Variants in ANK3 observed in about 807,000 individuals in gnomAD.
ANK3 encodes the protein ankyrin 3.
ANK3 carries 57 observed loss-of-function variants against 370.9 expected under a neutral mutation model. That is an observed-to-expected ratio of 0.15 (90% CI 0.12 to 0.19). The LOEUF (loss-of-function observed/expected upper bound fraction) is 0.19, where lower values mean the gene tolerates loss of function less well. Ranked by LOEUF, ANK3 falls within the 10% of genes least tolerant of loss-of-function variation. ANK3 has a pLI of 1.00. For synonymous variants in ANK3, 1,929 were observed against 1,946.3 expected (o/e 0.99, Z 0.23); for missense variants, 4,439 against 5,302.1 (o/e 0.84, Z 5.06).
At chr10:60,040,858 C>G (rs2075967568) in intron 43 of ANK3, among the ~76,000 whole-genome samples, 1 of 152,186 alleles carries the variant, frequency 6.6e-6, no homozygotes, top group African/African-American at 2.4e-5. Flanking sequence ...TGACTGACCT[C>G]TTTTCTACTT....
At chr10:60,225,486 T>C (rs1432180145) in intron 8 of ANK3, among the ~76,000 whole-genome samples, 2 of 152,138 alleles carry the variant, frequency 1.3e-5, no homozygotes, top group Non-Finnish European at 1.5e-5. Flanking sequence ...AGTAAATAGA[T>C]AGAATTAGAA....
intron 25 of ANK3, among the ~76,000 whole-genome samples, chr10:60,116,180 T>C (rs2093067653): frequency 6.6e-6 from 1 of 152,012 alleles, no homozygotes; most frequent in Admixed American, 6.6e-5. Context: ...AGGCACCATA[T>C]TGAAAATGGG....
intron 1 of ANK3, among the ~76,000 whole-genome samples, chr10:60,354,293 G>T (rs2057394243): frequency 6.6e-6 from 1 of 152,188 alleles, no homozygotes; most frequent in African/African-American, 2.4e-5. Context: ...TCTGCCACAA[G>T]AAATGTGAGA....
intron 14 of ANK3, 36 bp downstream of exon 14, chr10:60,198,304 G>C: frequency 6.2e-7 from 1 of 1,605,056 alleles, no homozygotes; most frequent in Non-Finnish European, 8.5e-7. Context: ...ATGTATTTGG[G>C]GGGACAGAGC....
Position 60,369,285 on chromosome 10 carries a change from G to A in ANK3, c.114+20140C>T, listed in dbSNP as rs113564042. The stretch of plus-strand genomic sequence containing the variant: ...TCAGATTCAGTGCCACACTTTACTA[G>A]GACATTACCATAAACAGTTTATTGT... On this transcript the variant is annotated intron_variant, in intron 1 of 43. Transcript: ENST00000280772. Among the ~76,000 whole-genome samples the A allele has an allele frequency of 9.2e-3, 1,400 of 152,264 alleles. 23 individuals are homozygous for A. The highest frequency in any genetic ancestry group is 0.032 in the African/African-American group (1,350 of 41,544).
intron 1 of ANK3, among the ~76,000 whole-genome samples, chr10:60,376,368 C>T (rs2060773535): frequency 6.6e-6 from 1 of 152,190 alleles, no homozygotes; most frequent in African/African-American, 2.4e-5. Flanking sequence ...ACCCTCCTTT[C>T]CTGTGCCACA....
Position 60,081,692 on chromosome 10 carries a change from A to T in ANK3, c.4350+458T>A, listed in dbSNP as rs573221187. On this transcript the variant is annotated intron_variant, in intron 35 of 43. Transcript: ENST00000280772. ...GTTATAACATGCTGGATAGTAGGAT[A>T]TAGTTGATAGTAAAATAGGCACATG... 212 of 301,430 alleles carry T rather than the reference A, an allele frequency of 7.0e-4. 2 individuals are homozygous for T. The highest frequency in any genetic ancestry group is 5.0e-3 in the Admixed American group (117 of 23,368). The allele number at this position is 301,430 out of a possible 1,614,324, so 18.7% of individuals were successfully genotyped here. A position where few individuals can be genotyped will look rare whatever the true frequency, so the allele number is the denominator to read the frequency against.
chr10:60,480,413 A>T (rs2075181171), intron 2 of ANK3, among the ~76,000 whole-genome samples: 1 of 152,218 alleles, frequency 6.6e-6, no homozygotes, highest in South Asian at 2.1e-4. Context: ...ATTACAAAGT[A>T]ACCTAATTTG....
intron 1 of ANK3, among the ~76,000 whole-genome samples, chr10:60,725,067 TGTA>T (rs2079922291): frequency 6.6e-6 from 1 of 152,254 alleles, no homozygotes; most frequent in African/African-American, 2.4e-5. Context: ...AGTATCTTTA[TGTA>T]AGATGTACTT....
At chr10:60,634,289 A>G (rs1398402752) in intron 1 of ANK3, among the ~76,000 whole-genome samples, 1 of 152,194 alleles carries the variant, frequency 6.6e-6, no homozygotes, top group East Asian at 1.9e-4. Flanking sequence ...AAATAGTACA[A>G]GATTGTCAAG....
chr10:60,533,679 T>C (rs1053941284), intron 2 of ANK3, among the ~76,000 whole-genome samples: 1 of 152,122 alleles, frequency 6.6e-6, no homozygotes, highest in Non-Finnish European at 1.5e-5. Flanking sequence ...GGCCGAATTA[T>C]TTTTAGGGAA....
Position 60,471,458 on chromosome 10 carries a change from A to T in ANK3, c.96+143728T>A, listed in dbSNP as rs150861668. Reference sequence around the variant, plus strand: ...GATCTTCCCATGCAGATATATTTACACTTATTAATGGCTGCCTGGTATTCA... The same window carrying T: ...GATCTTCCCATGCAGATATATTTACTCTTATTAATGGCTGCCTGGTATTCA... On this transcript the variant is annotated intron_variant, in intron 2 of 43. Transcript: ENST00000373827. 4.7e-3 allele frequency among the ~76,000 whole-genome samples: 708 copies of T among 152,228 alleles called. 8 individuals carry two copies. Among genetic ancestry groups the T allele is most frequent in the African/African-American group, 0.016 (683 of 41,544 alleles).
chr10:60,129,473 C>T (rs189902352), intron 25 of ANK3, among the ~76,000 whole-genome samples: 5 of 152,236 alleles, frequency 3.3e-5, no homozygotes, highest in East Asian at 1.9e-4. Context: ...TCCAGGTGGC[C>T]GGGCATGGTG....
At chr10:60,412,335 T>A (rs1177844899) in intron 2 of ANK3, among the ~76,000 whole-genome samples, 1 of 152,096 alleles carries the variant, frequency 6.6e-6, no homozygotes, top group Non-Finnish European at 1.5e-5. Flanking sequence ...AAGAAATTGA[T>A]CTCTTCCTGC....
chr10:60,454,033 T>C (rs7087691), intron 2 of ANK3, among the ~76,000 whole-genome samples: 3 of 152,036 alleles, frequency 2.0e-5, no homozygotes, highest in East Asian at 1.9e-4. Flanking sequence ...TTTTCCTATA[T>C]GCAAATTAGG....
intron 1 of ANK3, among the ~76,000 whole-genome samples, chr10:60,335,657 T>C (rs2052650661): frequency 1.3e-5 from 2 of 152,194 alleles, no homozygotes; most frequent in South Asian, 4.1e-4. Flanking sequence ...AGAATTTTAA[T>C]GAGCTCATCG....
chr10:60,465,785 C>CTTTT (rs1409653171), intron 2 of ANK3, among the ~76,000 whole-genome samples: 1 of 119,400 alleles, frequency 8.4e-6, no homozygotes, highest in African/African-American at 3.1e-5. Flanking sequence ...TCTTTTTTTT[C>CTTTT]TTTCTTTTTT....
chr10:60,190,202 A>C (rs2096450289), intron 16 of ANK3, among the ~76,000 whole-genome samples: 1 of 152,228 alleles, frequency 6.6e-6, no homozygotes, highest in Admixed American at 6.5e-5. Flanking sequence ...AAGGGTAAGG[A>C]GAAGGCATCA....
chr10:60,721,544 A>G (rs2079863523), intron 1 of ANK3, among the ~76,000 whole-genome samples: 1 of 152,222 alleles, frequency 6.6e-6, no homozygotes, highest in Non-Finnish European at 1.5e-5. Context: ...CAGAGGAATG[A>G]CATCATATCT....
Sources: allele counts gnomAD v4.1 joint callset (sites outside exome capture counted in the v4.1 genomes callset), GRCh38; gene constraint gnomAD v4.1.1; transcripts MANE v1.5; gene names NCBI Gene and HGNC (gene_info 2026-07-23, HGNC 2026-07-21).